GRM8: variants seen among roughly 807,000 people sequenced by gnomAD.
GRM8 encodes glutamate metabotropic receptor 8, also known as metabotropic glutamate receptor 8.
In GRM8, 47 loss-of-function variants were observed where a neutral mutation model predicts 87.2. That is an observed-to-expected ratio of 0.54 (90% CI 0.43 to 0.69). The LOEUF (loss-of-function observed/expected upper bound fraction) is 0.69, where lower values mean the gene tolerates loss of function less well. Ranked by LOEUF, GRM8 falls within the 30% of genes least tolerant of loss-of-function variation. The pLI, the probability that GRM8 is intolerant of heterozygous loss-of-function variation, is 0.00. For missense variants in GRM8, 1,019 were observed against 1,139.2 expected, an observed-to-expected ratio of 0.89 and a Z score of 1.52; for synonymous variants, 396 against 404.5, an observed-to-expected ratio of 0.98 and a Z score of 0.25.
intron 3 of GRM8, among the ~76,000 whole-genome samples, chr7:126,967,050 T>C (rs764660718): frequency 1.3e-4 from 20 of 152,216 alleles, no homozygotes; most frequent in Non-Finnish European, 2.5e-4. Flanking sequence ...TATTGTTAGA[T>C]TTATTCATCC....
intron 2 of GRM8, among the ~76,000 whole-genome samples, chr7:127,136,132 A>G (rs1201513357): frequency 6.6e-6 from 1 of 152,192 alleles, no homozygotes; most frequent in Non-Finnish European, 1.5e-5. Context: ...AAAATGGCTT[A>G]GTTATTAAAG....
intron 3 of GRM8, among the ~76,000 whole-genome samples, chr7:126,962,099 C>G (rs1167077764): frequency 1.3e-5 from 2 of 152,284 alleles, no homozygotes; most frequent in East Asian, 3.9e-4. Flanking sequence ...ATTACATTTT[C>G]TATTATACAA....
intron 8 of GRM8, among the ~76,000 whole-genome samples, chr7:126,583,553 A>T (rs1380198356): frequency 6.6e-6 from 1 of 152,138 alleles, no homozygotes; most frequent in Non-Finnish European, 1.5e-5. Context: ...TCAAAATATA[A>T]ATATTAACAA....
At chr7:126,918,227 A>G (rs1359794900) in intron 3 of GRM8, among the ~76,000 whole-genome samples, 1 of 152,218 alleles carries the variant, frequency 6.6e-6, no homozygotes, top group African/African-American at 2.4e-5. Flanking sequence ...TGTATGATAC[A>G]TTGATATGCA....
chr7:126,991,845 G>A (rs954750237), intron 3 of GRM8, among the ~76,000 whole-genome samples: 4 of 152,040 alleles, frequency 2.6e-5, no homozygotes, highest in African/African-American at 9.7e-5. Flanking sequence ...TTCTCTCATG[G>A]CCCTTCCCCA....
intron 9 of GRM8, among the ~76,000 whole-genome samples, chr7:126,477,603 GAAAGAAAGAAAGAA>G (rs1806128641): frequency 2.8e-5 from 3 of 108,882 alleles, no homozygotes; most frequent in African/African-American, 1.1e-4. Flanking sequence ...AAGAAAGAAA[GAAAGAAAGAAAGAA>G]AGAAAGAAAG....
intron 2 of GRM8, among the ~76,000 whole-genome samples, chr7:127,116,780 G>C (rs944386342): frequency 6.6e-6 from 1 of 152,188 alleles, no homozygotes; most frequent in Non-Finnish European, 1.5e-5. Flanking sequence ...CTACTGACAG[G>C]TACTTAATTT....
chr7:126,722,043 A>C (rs1372998320), intron 7 of GRM8, among the ~76,000 whole-genome samples: 1 of 152,178 alleles, frequency 6.6e-6, no homozygotes, highest in Admixed American at 6.5e-5. Context: ...AAAATTATGA[A>C]CTATGACTGG....
In GRM8 at chr7:126,581,679, G is replaced by A. The variant is rs569815305; in HGVS notation, c.1494+27683C>T. Among the ~76,000 whole-genome samples the A allele has an allele frequency of 9.9e-5, 15 of 151,998 alleles. No individual in the cohort carries two copies. In the South Asian group the frequency reaches 1.0e-3, roughly 11 times the overall value. On this transcript the variant is annotated intron_variant, in intron 8 of 10. Coordinates refer to ENST00000339582, the MANE Select transcript of GRM8 (RefSeq NM_000845.3). Reference sequence around the variant, plus strand: ...CATGTTTTTTTGCAAGTTGAATGCCGAGCAAGTCTCTCAGCACCATTTTTC... The same window carrying A: ...CATGTTTTTTTGCAAGTTGAATGCCAAGCAAGTCTCTCAGCACCATTTTTC...
At chr7:126,908,058 A>G (rs1482829820) in intron 3 of GRM8, among the ~76,000 whole-genome samples, 2 of 152,180 alleles carry the variant, frequency 1.3e-5, no homozygotes, top group African/African-American at 4.8e-5. Flanking sequence ...GGAAAGAATG[A>G]TTTTGATTGG....
intron 9 of GRM8, among the ~76,000 whole-genome samples, chr7:126,475,904 T>A (rs181180057): frequency 2.8e-4 from 42 of 152,220 alleles, no homozygotes; most frequent in Non-Finnish European, 7.4e-5. Context: ...AAACTGGATA[T>A]TCACATGAAA....
intron 7 of GRM8, among the ~76,000 whole-genome samples, chr7:126,714,467 T>A (rs1190967722): frequency 1.3e-5 from 2 of 152,020 alleles, no homozygotes; most frequent in African/African-American, 4.8e-5. Flanking sequence ...AAAACCTAAG[T>A]TACAGAAAAG....
Position 127,213,745 on chromosome 7 carries a change from G to A in GRM8, c.510+28950C>T, listed in dbSNP as rs1220381696. Reference sequence around the variant, plus strand: ...GTTAATCCATCCATCCATTACATTAGGTTTTATGTTTACTTTGTTTTGATG... The same window carrying A: ...GTTAATCCATCCATCCATTACATTAAGTTTTATGTTTACTTTGTTTTGATG... On this transcript the variant is annotated intron_variant, in intron 2 of 10. Coordinates refer to ENST00000339582, the MANE Select transcript of GRM8 (RefSeq NM_000845.3). Among the ~76,000 whole-genome samples, 4 of 152,110 alleles carry A rather than the reference G, an allele frequency of 2.6e-5. No homozygotes were observed. The East Asian group carries it at 7.7e-4, about 29-fold the overall frequency.
At position 126,685,217 on chromosome 7, in the gene GRM8, C is replaced by T. The variant is rs1029980944; in HGVS notation, c.1358-75719G>A. 6.6e-6 allele frequency among the ~76,000 whole-genome samples: 1 copy of T among 152,174 alleles called. No homozygotes were observed. The highest frequency in any genetic ancestry group is 2.4e-5 in the African/African-American group (1 of 41,456). The stretch of plus-strand genomic sequence containing the variant: ...ACTTCCCCTGGGGGACCCCCTGGAG[C>T]CTACCACCCTGGGGGCCACCATGAT... On this transcript the variant is annotated intron_variant, in intron 7 of 10. Coordinates refer to ENST00000339582, the MANE Select transcript of GRM8 (RefSeq NM_000845.3). This position sits in a 1 kb window ranked among gnomAD's most constrained non-coding sequence, Gnocchi z 4.2.
intron 6 of GRM8, among the ~76,000 whole-genome samples, chr7:126,888,278 G>A (rs1479993871): frequency 6.6e-6 from 1 of 152,068 alleles, no homozygotes; most frequent in East Asian, 1.9e-4. Context: ...ACTCTGACTA[G>A]GGACAAAGAA....
At chr7:127,096,132 A>T (rs969253117) in intron 3 of GRM8, among the ~76,000 whole-genome samples, 1 of 152,228 alleles carries the variant, frequency 6.6e-6, no homozygotes, top group African/African-American at 2.4e-5. Flanking sequence ...AGTTTCAGGA[A>T]TGCAAGAATG....
At chr7:126,509,710 T>C (rs1054732611) in intron 9 of GRM8, among the ~76,000 whole-genome samples, 2 of 151,968 alleles carry the variant, frequency 1.3e-5, no homozygotes, top group Non-Finnish European at 2.9e-5. Flanking sequence ...TAGCAAATGA[T>C]AGAGATAAAA....
At chr7:126,657,749 T>C (rs1280958124) in intron 7 of GRM8, among the ~76,000 whole-genome samples, 1 of 152,238 alleles carries the variant, frequency 6.6e-6, no homozygotes, top group Non-Finnish European at 1.5e-5. Flanking sequence ...GGAATGTACT[T>C]GAACCTTTGA....
At chr7:127,076,556 C>T (rs1388008650) in intron 3 of GRM8, among the ~76,000 whole-genome samples, 1 of 151,990 alleles carries the variant, frequency 6.6e-6, no homozygotes, top group African/African-American at 2.4e-5. Flanking sequence ...TCCTAAGTTT[C>T]CTCCATTCTT....
Sources: gnomAD v4.1 joint callset for allele counts (sites outside exome capture counted in the v4.1 genomes callset) on GRCh38, gnomAD v4.1.1 for gene constraint, Gnocchi (gnomAD v3.1) non-coding constraint, MANE v1.5 for transcripts, NCBI Gene and HGNC (gene_info 2026-07-23, HGNC 2026-07-21) for gene names.